NCAM1: variants seen among roughly 807,000 people sequenced by gnomAD.
NCAM1 encodes the protein antigen recognized by monoclonal antibody 5.1H11.
In NCAM1, 14 loss-of-function variants were observed where a neutral mutation model predicts 109.8. The observed-to-expected ratio is 0.13, with a 90% CI of 0.08 to 0.20. NCAM1 has a LOEUF of 0.20. NCAM1 is among the 10% of genes least tolerant of loss of function. The probability of loss-of-function intolerance (pLI) is 1.00; values close to 1 mark genes in which losing one functional copy is unlikely to be tolerated. For missense variants in NCAM1, 774 were observed against 1,109.9 expected (o/e 0.70, Z 4.30); for synonymous variants, 418 against 442.9 (o/e 0.94, Z 0.70).
chr11:113,226,881 A>G (rs1249786476), intron 9 of NCAM1, among the ~76,000 whole-genome samples: 5 of 152,230 alleles, frequency 3.3e-5, no homozygotes, highest in African/African-American at 1.2e-4. Flanking sequence ...TTTGAAACCA[A>G]TGAGAACAAA....
chr11:113,062,478 C>A (rs144506174), intron 1 of NCAM1, among the ~76,000 whole-genome samples: 292 of 152,252 alleles, frequency 1.9e-3, no homozygotes, highest in South Asian at 9.3e-3. Context: ...GTTATCTGCC[C>A]TCATGAATCT....
chr11:113,005,489 G>C (rs1951870056), intron 1 of NCAM1, among the ~76,000 whole-genome samples: 1 of 152,152 alleles, frequency 6.6e-6, no homozygotes, highest in African/African-American at 2.4e-5. Context: ...CTGGGACTGA[G>C]TACAAGGAAG....
At chr11:113,135,360 T>C (rs1373949191) in intron 1 of NCAM1, among the ~76,000 whole-genome samples, 1 of 152,058 alleles carries the variant, frequency 6.6e-6, no homozygotes, top group Non-Finnish European at 1.5e-5. Context: ...GATTTGAGAG[T>C]ATGTCCTAGA....
At chr11:113,200,430 G>A (rs1944014163) in intron 1 of NCAM1, among the ~76,000 whole-genome samples, 1 of 152,216 alleles carries the variant, frequency 6.6e-6, no homozygotes, top group Non-Finnish European at 1.5e-5. Flanking sequence ...TCTGTTAAGG[G>A]ATAGTGAATC....
At chr11:113,101,604 A>C (rs541409875) in intron 1 of NCAM1, among the ~76,000 whole-genome samples, 1 of 152,310 alleles carries the variant, frequency 6.6e-6, no homozygotes, top group East Asian at 1.9e-4. Context: ...TGCTCATTGA[A>C]TGAACCATTT....
At chr11:113,081,635 G>C (rs782424014) in intron 1 of NCAM1, among the ~76,000 whole-genome samples, 8 of 151,972 alleles carry the variant, frequency 5.3e-5, no homozygotes, top group Non-Finnish European at 1.0e-4. Flanking sequence ...CTGGGTATAA[G>C]TGATTCTCCT....
chr11:113,010,174 CT>C (rs2135105955), intron 1 of NCAM1, among the ~76,000 whole-genome samples: 1 of 152,302 alleles, frequency 6.6e-6, no homozygotes, highest in East Asian at 1.9e-4. Flanking sequence ...ACTAAATTAG[CT>C]TTCTAGTTGA....
chr11:112,996,622 T>A (rs1373751274), intron 1 of NCAM1, among the ~76,000 whole-genome samples: 1 of 152,216 alleles, frequency 6.6e-6, no homozygotes, highest in Non-Finnish European at 1.5e-5. Context: ...TGCATACCTC[T>A]TGTTTATGCA....
intron 1 of NCAM1, among the ~76,000 whole-genome samples, chr11:113,136,732 G>A (rs917453902): frequency 2.0e-5 from 3 of 152,128 alleles, no homozygotes; most frequent in Non-Finnish European, 4.4e-5. Context: ...AGGGGTTTAG[G>A]AAAATGCTAG....
rs185403907 is a variant in NCAM1, at chr11:113,221,193, A to C, written c.1060-103A>C. On this transcript the variant is annotated intron_variant, in intron 8 of 19. Transcript: ENST00000316851. Reference sequence around the variant, plus strand: ...CCTTGGAAAAAGTTCTGAATTAAAGAAAAGCTGCATGTGCACGGAATGCAG... The same window carrying C: ...CCTTGGAAAAAGTTCTGAATTAAAGCAAAGCTGCATGTGCACGGAATGCAG... 823 of 1,182,146 alleles carry C rather than the reference A, an allele frequency of 7.0e-4. 7 individuals are homozygous for C. In the African/African-American group the frequency reaches 0.01, roughly 15 times the overall value. The allele number at this position is 1,182,146 out of a possible 1,614,324, so 73.2% of individuals were successfully genotyped here.
At chr11:113,068,056 A>G (rs548993351) in intron 1 of NCAM1, among the ~76,000 whole-genome samples, 5 of 152,012 alleles carry the variant, frequency 3.3e-5, no homozygotes, top group Admixed American at 2.6e-4. Flanking sequence ...GACTACGGGC[A>G]CCCGCCACCA....
chr11:113,159,905 C>A (rs1245121), intron 1 of NCAM1, among the ~76,000 whole-genome samples: 42,015 of 142,056 alleles, frequency 0.3, 6,540 homozygotes, highest in East Asian at 0.47. Context: ...TTACACACAC[C>A]CCAAAAGTGA....
chr11:113,015,845 C>T (rs187808558), intron 1 of NCAM1, among the ~76,000 whole-genome samples: 17 of 152,218 alleles, frequency 1.1e-4, no homozygotes, highest in African/African-American at 4.1e-4. Context: ...ACTCTTCATG[C>T]CAGAGTCAGT....
At chr11:113,020,867 C>A (rs868921445) in intron 1 of NCAM1, among the ~76,000 whole-genome samples, 15 of 152,096 alleles carry the variant, frequency 9.9e-5, no homozygotes, top group Non-Finnish European at 1.9e-4. Flanking sequence ...AGTGATTCTC[C>A]TGCCTCAGCC....
chr11:113,082,152 G>C (rs1938852028), intron 1 of NCAM1, among the ~76,000 whole-genome samples: 1 of 152,054 alleles, frequency 6.6e-6, no homozygotes, highest in African/African-American at 2.4e-5. Context: ...GGTACATTTT[G>C]TTGTAAGACC....
At position 113,074,495 on chromosome 11, in the gene NCAM1, T is replaced by G. The variant is rs74351003; in HGVS notation, c.52+112831T>G. On this transcript the variant is annotated intron_variant, in intron 1 of 19. Transcript: ENST00000316851. The stretch of plus-strand genomic sequence containing the variant: ...AAAAGAAAACAGTCTAAGACAGCCC[T>G]GTCCAAATAGCACTTTCTTTGATGA... Among the ~76,000 whole-genome samples the G allele has an allele frequency of 1.0e-3, 154 of 152,336 alleles. 1 individual carries two copies. The highest frequency in any genetic ancestry group is 3.4e-3 in the Middle Eastern group (1 of 294).
In NCAM1 at chr11:113,237,454, A is replaced by G. The variant is rs549917410; in HGVS notation, c.1825+2290A>G. ...GAGCAAGTGCCAAATGTCCTACCTC[A>G]GCAGAGTTGGTGCCGGGATGAACCA... On this transcript the variant is annotated intron_variant, in intron 14 of 19. Coordinates refer to ENST00000316851, the MANE Select transcript of NCAM1 (RefSeq NM_181351.5). 6.6e-5 allele frequency among the ~76,000 whole-genome samples: 10 copies of G among 152,336 alleles called. No individual in the cohort carries two copies. The South Asian group carries it at 1.9e-3, about 28-fold the overall frequency.
chr11:112,984,041 A>G (rs1298543796), intron 1 of NCAM1, among the ~76,000 whole-genome samples: 1 of 151,812 alleles, frequency 6.6e-6, no homozygotes, highest in Non-Finnish European at 1.5e-5. Flanking sequence ...CCTTTGACCT[A>G]CATCTTCCCA....
At chr11:113,265,673 G>C (rs1296538915) in intron 17 of NCAM1, among the ~76,000 whole-genome samples, 4 of 152,166 alleles carry the variant, frequency 2.6e-5, no homozygotes, top group African/African-American at 4.8e-5. Context: ...CCAGCCATCT[G>C]TTTAGCTGAT....
Sources: gnomAD v4.1 joint callset for allele counts (sites outside exome capture counted in the v4.1 genomes callset) on GRCh38, gnomAD v4.1.1 for gene constraint, MANE v1.5 for transcripts, NCBI Gene and HGNC (gene_info 2026-07-23, HGNC 2026-07-21) for gene names.